NRG3: variants seen among roughly 807,000 people sequenced by gnomAD.
NRG3 encodes neuregulin 3.
A neutral mutation model predicts 66.9 loss-of-function variants in NRG3; 31 were observed. That is an observed-to-expected ratio of 0.46 (90% CI 0.35 to 0.63). The LOEUF (loss-of-function observed/expected upper bound fraction) is 0.63, where lower values mean the gene tolerates loss of function less well. Among genes scored for constraint, NRG3 ranks in the 20% least tolerant of loss-of-function variants. The pLI, the probability that NRG3 is intolerant of heterozygous loss-of-function variation, is 0.00. For synonymous variants in NRG3, 393 were observed against 359.4 expected (o/e 1.09, Z -1.06); for missense variants, 910 against 878.9 (o/e 1.04, Z -0.45).
chr10:82,900,979 T>G (rs1435972158), intron 4 of NRG3, among the ~76,000 whole-genome samples: 1 of 152,138 alleles, frequency 6.6e-6, no homozygotes, highest in African/African-American at 2.4e-5. Flanking sequence ...AGCTCTAAAA[T>G]CACCAAACTA....
chr10:82,636,245 G>T (rs911062070), intron 2 of NRG3, among the ~76,000 whole-genome samples: 2 of 151,872 alleles, frequency 1.3e-5, no homozygotes, highest in East Asian at 3.9e-4. Flanking sequence ...GTGTGTCTGT[G>T]TGTGTGTGTG....
intron 2 of NRG3, among the ~76,000 whole-genome samples, chr10:82,359,271 A>G (rs573724775): frequency 2.0e-5 from 3 of 152,234 alleles, no homozygotes; most frequent in Non-Finnish European, 4.4e-5. Context: ...TCTAAGATCT[A>G]GAATCTCAGT....
At chr10:82,918,156 A>G (rs1296542517) in intron 4 of NRG3, among the ~76,000 whole-genome samples, 1 of 152,032 alleles carries the variant, frequency 6.6e-6, no homozygotes, top group Non-Finnish European at 1.5e-5. Flanking sequence ...TTAAAAATAA[A>G]TGGCTGAGCT....
intron 2 of NRG3, among the ~76,000 whole-genome samples, chr10:82,719,178 G>A (rs936341943): frequency 6.6e-6 from 1 of 152,152 alleles, no homozygotes; most frequent in African/African-American, 2.4e-5. Flanking sequence ...GCAGTTGTGT[G>A]AGAGTGAGAG....
At chr10:82,433,891 C>T (rs1437205818) in intron 2 of NRG3, among the ~76,000 whole-genome samples, 1 of 152,122 alleles carries the variant, frequency 6.6e-6, no homozygotes, top group African/African-American at 2.4e-5. Flanking sequence ...ATGATGCCTC[C>T]AGGTTTGTTC....
At chr10:82,323,842 G>A (rs1234843440) in intron 1 of NRG3, among the ~76,000 whole-genome samples, 1 of 151,922 alleles carries the variant, frequency 6.6e-6, no homozygotes, top group South Asian at 2.1e-4. Context: ...ACCTTCTATG[G>A]TTTGATGTTT....
At chr10:81,932,734 G>A (rs1390024199) in intron 1 of NRG3, among the ~76,000 whole-genome samples, 2 of 152,226 alleles carry the variant, frequency 1.3e-5, no homozygotes, top group South Asian at 4.2e-4. Flanking sequence ...TTTCAGTGTT[G>A]TTTTTTAAGA....
At chr10:82,357,153 T>C (rs767328119) in intron 1 of NRG3, among the ~76,000 whole-genome samples, 18 of 152,334 alleles carry the variant, frequency 1.2e-4, no homozygotes, top group Non-Finnish European at 2.2e-4. Context: ...TGACAGTTCT[T>C]GGTATTTTGG....
intron 2 of NRG3, among the ~76,000 whole-genome samples, chr10:82,565,490 C>T (rs536915790): frequency 6.6e-6 from 1 of 152,214 alleles, no homozygotes; most frequent in South Asian, 2.1e-4. Flanking sequence ...TGACTTTCAT[C>T]CTTCAATCCC....
At chr10:82,133,298 G>A (rs547326317) in intron 1 of NRG3, among the ~76,000 whole-genome samples, 4 of 152,026 alleles carry the variant, frequency 2.6e-5, no homozygotes, top group South Asian at 2.1e-4. Flanking sequence ...TATATGTGAA[G>A]GTTTGTTACA....
Position 82,803,686 on chromosome 10 carries a change from G to A in NRG3, c.1028-61725G>A, listed in dbSNP as rs548442309. 2.6e-5 allele frequency among the ~76,000 whole-genome samples: 4 copies of A among 151,860 alleles called. No individual in the cohort carries two copies. In the East Asian group the frequency reaches 7.8e-4, roughly 30 times the overall value. On this transcript the variant is annotated intron_variant, in intron 3 of 8. Coordinates refer to ENST00000372141, the MANE Select transcript of NRG3 (RefSeq NM_001010848.4). The stretch of plus-strand genomic sequence containing the variant: ...TTCCGGTGTTGAGGAAAGAGTGTGG[G>A]CTTTCAAGTCAGACATGCCCATGAT...
rs940112637 is a variant in NRG3 at position 82,296,813 on chromosome 10, T to A, written c.824-61926T>A. Among the ~76,000 whole-genome samples the A allele has an allele frequency of 3.3e-5, 5 of 152,078 alleles. 1 individual carries two copies. Among genetic ancestry groups the A allele is most frequent in the Admixed American group, 2.6e-4 (4 of 15,256 alleles). ...TTTAGATTTGGGGGATATATACATA[T>A]ATTTGTTTGTTAAATGGGTATATTT... On this transcript the variant is annotated intron_variant, in intron 1 of 8. Transcript: ENST00000372141.
At chr10:81,885,712 A>G (rs1842559293) in intron 1 of NRG3, among the ~76,000 whole-genome samples, 2 of 152,194 alleles carry the variant, frequency 1.3e-5, no homozygotes, top group Non-Finnish European at 2.9e-5. Context: ...AAGGATAGGA[A>G]TACTGTAGTG....
intron 3 of NRG3, among the ~76,000 whole-genome samples, chr10:82,774,398 G>T (rs994410016): frequency 6.6e-6 from 1 of 152,074 alleles, no homozygotes; most frequent in African/African-American, 2.4e-5. Context: ...TCTGGCTCTA[G>T]GCTTTTCTTT....
At chr10:82,934,260 C>T (rs1409475879) in intron 4 of NRG3, among the ~76,000 whole-genome samples, 3 of 152,200 alleles carry the variant, frequency 2.0e-5, no homozygotes, top group African/African-American at 4.8e-5. Context: ...TGCCATAATG[C>T]GGTTAGGACA....
chr10:82,685,306 C>A (rs1039080958), intron 2 of NRG3, among the ~76,000 whole-genome samples: 1 of 152,134 alleles, frequency 6.6e-6, no homozygotes, highest in African/African-American at 2.4e-5. Context: ...ATAAATTATA[C>A]AAAATGCACT....
chr10:82,248,118 G>A (rs1479093693), intron 1 of NRG3, among the ~76,000 whole-genome samples: 1 of 152,008 alleles, frequency 6.6e-6, no homozygotes, highest in African/African-American at 2.4e-5. Context: ...ATGTATAACC[G>A]TAACCCTGCT....
chr10:82,978,370 TA>T (rs1852501894), intron 7 of NRG3, among the ~76,000 whole-genome samples: 1 of 152,330 alleles, frequency 6.6e-6, no homozygotes, highest in East Asian at 1.9e-4. Context: ...AGATGTTTAT[TA>T]AAAGCAAACT....
chr10:82,725,837 C>T (rs2057566069), intron 2 of NRG3, among the ~76,000 whole-genome samples: 1 of 152,102 alleles, frequency 6.6e-6, no homozygotes, highest in South Asian at 2.1e-4. Flanking sequence ...CTAGTCTTTG[C>T]TAGTCTGTAG....
Sources: gnomAD v4.1 joint callset for allele counts (sites outside exome capture counted in the v4.1 genomes callset) on GRCh38, gnomAD v4.1.1 for gene constraint, MANE v1.5 for transcripts, NCBI Gene and HGNC (gene_info 2026-07-23, HGNC 2026-07-21) for gene names.